Variants in SNX15 observed in about 807,000 individuals in gnomAD.
SNX15 encodes sorting nexin 15, also known as sorting nexin-15.
Under a neutral mutation model 35.2 loss-of-function variants are expected in SNX15, and 29 were observed. That is an observed-to-expected ratio of 0.82 (90% confidence interval 0.61 to 1.12). The LOEUF is 1.12. Ranked by LOEUF, SNX15 falls within the 50% of genes most tolerant of loss-of-function variation. SNX15 has a pLI of 0.00. For missense variants in SNX15, 400 were observed against 451.5 expected (o/e 0.89, Z 1.03); for synonymous variants, 189 against 188.2 (o/e 1.00, Z -0.03).
rs1175844611 is a variant in SNX15 at position 65,035,537 on chromosome 11, A to C, written c.538A>C (p.Ser180Arg). 2 of 1,608,848 alleles carry C rather than the reference A, an allele frequency of 1.2e-6. No individual in the cohort carries two copies. The highest frequency in any genetic ancestry group is 1.7e-6 in the Non-Finnish European group (2 of 1,177,932). Residue 180 changes from serine (S) to arginine (R), a missense_variant, in exon 6 of 8, where the codon AGC becomes CGC. Ser to Arg is a moderately radical substitution (Grantham distance 110, BLOSUM62 -1). Coordinates refer to ENST00000377244, the MANE Select transcript of SNX15 (RefSeq NM_013306.5). ...TTCCTCAGTGGACCCCCCACCATCC[A>C]GCCCTGCCCAGGAGGCCCTGGATCT... is the stretch of plus-strand genomic sequence containing the variant. ...LEVPVDPPPS[S>R]PAQEALDLLF...
intron 3 of SNX15, 131 bp from the exon 4 acceptor site, chr11:65,034,716 G>A: frequency 3.1e-6 from 2 of 651,702 alleles, no homozygotes; most frequent in Non-Finnish European, 5.3e-6. Context: ...AGGGCAGATT[G>A]CTGGGAGAAT....
rs1291728692 is a variant in SNX15 at position 65,027,450 on chromosome 11, G to A, written c.-88G>A. ...AGAGGAAGAAGAGCGCAGGCCTGGCGAGGCGGCGGCGGGCGGAGGCTGGGC... is the reference window on the plus strand; with the variant it reads ...AGAGGAAGAAGAGCGCAGGCCTGGCAAGGCGGCGGCGGGCGGAGGCTGGGC... On this transcript the variant is annotated 5_prime_UTR_variant, in exon 1 of 8. Coordinates refer to ENST00000377244, the MANE Select transcript of SNX15 (RefSeq NM_013306.5). The A allele has an allele frequency of 3.0e-6, 3 of 1,004,300 alleles. 1 individual carries two copies. Among genetic ancestry groups the A allele is most frequent in the Admixed American group, 1.8e-5 (1 of 56,906 alleles). 62.2% of individuals were successfully genotyped at this position (1,004,300 alleles called of 1,614,324 possible).
chr11:65,035,335 G>A, intron 5 of SNX15, 129 bp downstream of exon 5: 1 of 1,252,938 alleles, frequency 8.0e-7, no homozygotes, highest in Non-Finnish European at 1.1e-6. Flanking sequence ...ACTGGCTGAG[G>A]AACTTTGGGC....
intron 2 of SNX15, 87 bp downstream of exon 2, chr11:65,032,290 C>A (rs761773729): frequency 6.4e-7 from 1 of 1,566,512 alleles, no homozygotes; most frequent in East Asian, 2.2e-5. Context: ...GCTTGGACAT[C>A]GGCCCTCCTT....
Position 65,034,931 on chromosome 11 carries a change from A to T in SNX15, c.341A>T (p.Asn114Ile), listed in dbSNP as rs1408367799. The T allele has an allele frequency of 6.2e-7, 1 of 1,614,088 alleles. No homozygotes were observed. Residue 114 changes from asparagine to isoleucine, a missense_variant, in exon 4 of 8, where the codon AAC becomes ATC. Coordinates refer to ENST00000377244, the MANE Select transcript of SNX15 (RefSeq NM_013306.5). The stretch of plus-strand genomic sequence containing the variant: ...TTCACTGTGCACATACCTGCGCTCA[A>T]CAACAGCCCCCAGCTCAAGGAGTTC... ...LRFTVHIPALNNSPQLKEFFR... is the reference protein window; with the variant it reads ...LRFTVHIPALINSPQLKEFFR...
intron 5 of SNX15, 136 bp downstream of exon 5, chr11:65,035,342 G>T: frequency 8.1e-7 from 1 of 1,230,872 alleles, no homozygotes; most frequent in South Asian, 1.5e-5. Context: ...GAGGAACTTT[G>T]GGCAGGTCCT....
chr11:65,039,904 A>G lies in SNX15; in HGVS notation c.*112A>G. 1.6e-6 allele frequency: 1 copy of G among 641,846 alleles called. No individual in the cohort carries two copies. Among genetic ancestry groups the G allele is most frequent in the Non-Finnish European group, 2.8e-6 (1 of 359,808 alleles). The allele number at this position is 641,846 out of a possible 1,614,324, so 39.8% of individuals were successfully genotyped here. A position where few individuals can be genotyped will look rare whatever the true frequency, so the allele number is the denominator to read the frequency against. Reference sequence around the variant, plus strand: ...TTGTAATTACAGGAGCCATTTCTGTAGGTAACTGGACCAAGAATGAGAAAA... The same window carrying G: ...TTGTAATTACAGGAGCCATTTCTGTGGGTAACTGGACCAAGAATGAGAAAA... On this transcript the variant is annotated 3_prime_UTR_variant, in exon 8 of 8. Coordinates refer to ENST00000377244, the MANE Select transcript of SNX15 (RefSeq NM_013306.5).
At chr11:65,027,774 C>T (rs754864565) in intron 1 of SNX15, 138 bp downstream of exon 1, 13 of 659,002 alleles carry the variant, frequency 2.0e-5, no homozygotes, top group Admixed American at 8.0e-5. Flanking sequence ...GGTTGCAGTA[C>T]GAGGCTTAGT....
intron 3 of SNX15, 124 bp from the exon 4 acceptor site, chr11:65,034,723 G>T (rs973393233): frequency 2.1e-5 from 14 of 673,000 alleles, no homozygotes; most frequent in Non-Finnish European, 3.3e-5. Context: ...ATTGCTGGGA[G>T]AATGGGTAGG....
At chr11:65,038,869 C>T (rs1401026481) in intron 7 of SNX15, 40 bp downstream of exon 7, 1 of 1,483,254 alleles carries the variant, frequency 6.7e-7, no homozygotes, top group East Asian at 2.4e-5. Flanking sequence ...GCCTGGGTCC[C>T]AGGTGGGGCA....
intron 7 of SNX15, among the ~76,000 whole-genome samples, chr11:65,039,168 C>T (rs1330097542): frequency 3.3e-5 from 5 of 149,362 alleles, no homozygotes; most frequent in Non-Finnish European, 6.0e-5. Flanking sequence ...GGATTACAGG[C>T]GCCCACCACC....
chr11:65,030,362 A>AT lies in SNX15; in HGVS notation c.100-1795dup, dbSNP rs1297327887. Among the ~76,000 whole-genome samples the AT allele has an allele frequency of 2.5e-3, 367 of 146,302 alleles. 3 individuals carry two copies. The highest frequency in any genetic ancestry group is 3.7e-3 in the Non-Finnish European group (246 of 66,204). Reference sequence around the variant, plus strand: ...GAGTGAGACTCCATCTCAAAAAAAAATTTTTTTTTTTGTAGAGACAGAGTT... The same window carrying AT: ...GAGTGAGACTCCATCTCAAAAAAAAATTTTTTTTTTTTGTAGAGACAGAGTT... On this transcript the variant is annotated intron_variant, in intron 1 of 7. Coordinates refer to ENST00000377244, the MANE Select transcript of SNX15 (RefSeq NM_013306.5).
In SNX15 at chr11:65,032,185, C is replaced by T. The variant is rs755765149; in HGVS notation, c.117C>T (p.Asp39=). The change falls in exon 2 of 8, where the codon GAC becomes GAT. Residue 39 remains aspartate (D), a synonymous_variant. Coordinates refer to ENST00000377244, the MANE Select transcript of SNX15 (RefSeq NM_013306.5). ...TTTCTCAGTTCATCTCAAAGAAGGA[C>T]CCAGAGGATGTCAAAGAGGTGAGGC... ...KVTAQFISKK[D]PEDVKEVVVW... is the part of the protein sequence containing the mutation. 6 of 1,614,108 alleles carry T rather than the reference C, an allele frequency of 3.7e-6. No homozygotes were observed. Among genetic ancestry groups the T allele is most frequent in the Middle Eastern group, 1.7e-4 (1 of 6,058 alleles).
intron 6 of SNX15, 40 bp downstream of exon 6, chr11:65,035,703 C>T (rs570118217): frequency 2.6e-5 from 41 of 1,566,494 alleles, no homozygotes; most frequent in Non-Finnish European, 3.3e-5. Flanking sequence ...CAGGGCAGGA[C>T]GTCCTTGGGA....
In SNX15 at chr11:65,030,401, C is replaced by A. The variant is rs181036481; in HGVS notation, c.100-1767C>A. ...AGAGACAGAGTTTTGCCATGTTGCC[C>A]AGGCTGGTCTCAAACTCCTGGCCTC... On this transcript the variant is annotated intron_variant, in intron 1 of 7. Coordinates refer to ENST00000377244, the MANE Select transcript of SNX15 (RefSeq NM_013306.5). Among the ~76,000 whole-genome samples, 224 of 150,382 alleles carry A rather than the reference C, an allele frequency of 1.5e-3. 11 individuals are homozygous for A. Among genetic ancestry groups the A allele is most frequent in the African/African-American group, 5.3e-3 (212 of 39,914 alleles).
Position 65,034,619 on chromosome 11 carries a change from T to C in SNX15, c.257-228T>C, listed in dbSNP as rs375715448. 2.0e-5 allele frequency among the ~76,000 whole-genome samples: 3 copies of C among 152,314 alleles called. No homozygotes were observed. The East Asian group carries it at 5.8e-4, about 29-fold the overall frequency. On this transcript the variant is annotated intron_variant, in intron 3 of 7. Coordinates refer to ENST00000377244, the MANE Select transcript of SNX15 (RefSeq NM_013306.5). ...CTGTTCACCTTCTGAGTCTAGCATA[T>C]AGTAGGTGCTCAGTAAACATCTGGC...
intron 5 of SNX15, 45 bp downstream of exon 5, chr11:65,035,251 G>A (rs1407964134): frequency 1.1e-5 from 16 of 1,501,486 alleles, no homozygotes; most frequent in Non-Finnish European, 1.4e-5. Flanking sequence ...AGGGTGCAGA[G>A]TGGGGAGGGC....
At chr11:65,031,114 T>G (rs1260370233) in intron 1 of SNX15, among the ~76,000 whole-genome samples, 1 of 151,840 alleles carries the variant, frequency 6.6e-6, no homozygotes, top group Non-Finnish European at 1.5e-5. Flanking sequence ...CTGCTTAACA[T>G]GCTCAAGTGA....
Position 65,038,750 on chromosome 11 carries a change from G to T in SNX15, c.843G>T (p.Arg281=). 2 of 1,602,082 alleles carry T rather than the reference G, an allele frequency of 1.2e-6. No individual in the cohort carries two copies. Among genetic ancestry groups the T allele is most frequent in the Non-Finnish European group, 1.7e-6 (2 of 1,174,814 alleles). ...CAGAGCTCATCACCCAGGCCCTGCG[G>T]GATGAGAAGGCAGGCGCTTACGCTG... ...QATELITQAL[R]DEKAGAYAAA... The change falls in exon 7 of 8, where the codon CGG becomes CGT. Residue 281 remains arginine, a synonymous_variant. Transcript: ENST00000377244.
Sources: allele counts gnomAD v4.1 joint callset (sites outside exome capture counted in the v4.1 genomes callset), GRCh38; gene constraint gnomAD v4.1.1; transcripts MANE v1.5; gene names NCBI Gene and HGNC (gene_info 2026-07-23, HGNC 2026-07-21).